EMG1: variants seen among roughly 807,000 people sequenced by gnomAD.
The protein encoded by EMG1 is EMG1 N1-specific pseudouridine methyltransferase.
Under a neutral mutation model 26.9 loss-of-function variants are expected in EMG1, and 24 were observed. The observed-to-expected ratio is 0.89, with a 90% CI of 0.65 to 1.26. The LOEUF (loss-of-function observed/expected upper bound fraction) is 1.26. EMG1 is among the 50% of genes most tolerant of loss of function. EMG1 has a pLI of 0.00. For missense variants in EMG1, 299 were observed against 307.6 expected (o/e 0.97, Z 0.21); for synonymous variants, 140 against 112.6 (o/e 1.24, Z -1.54).
chr12:6,988,053 A>G lies in EMG1; in HGVS notation c.*212-115A>G. 5.5e-6 allele frequency: 2 copies of G among 362,206 alleles called. 1 individual carries two copies. Among genetic ancestry groups the G allele is most frequent in the East Asian group, 8.0e-5 (2 of 25,134 alleles). The allele number at this position is 362,206 out of a possible 1,614,324, so 22.4% of individuals were successfully genotyped here. On this transcript the variant is annotated intron_variant and NMD_transcript_variant, in intron 7 of 7. Coordinates refer to the EMG1 transcript ENST00000261406. ...CCATAACCTTATTTTAAAGGTGTAA[A>G]AAAAAAAAGATTTAAGACAAAAGCA...
intron 6 of EMG1, among the ~76,000 whole-genome samples, chr12:6,986,962 AAATT>A (rs1477195006): frequency 6.6e-6 from 1 of 151,916 alleles, no homozygotes; most frequent in African/African-American, 2.4e-5. Context: ...AAAAATACAA[AAATT>A]AGTTAGGCGT....
At chr12:6,983,671 G>A, downstream of EMG1, 1 of 625,178 alleles carries the variant, frequency 1.6e-6, no homozygotes, top group Non-Finnish European at 2.8e-6. Flanking sequence ...TTATATGGAT[G>A]GCAACAGAGA....
rs896934457 is a variant in EMG1 at position 6,987,261 on chromosome 12, A to C, written c.*155-521A>C. Among the ~76,000 whole-genome samples the C allele has an allele frequency of 1.3e-5, 2 of 152,238 alleles. No individual in the cohort carries two copies. The highest frequency in any genetic ancestry group is 2.9e-5 in the Non-Finnish European group (2 of 68,040). ...TCATGTATTCATTCACCAAGTGTTTAGTAAATGCCTGCTATATGCCAGGTA... is the reference window on the plus strand; with the variant it reads ...TCATGTATTCATTCACCAAGTGTTTCGTAAATGCCTGCTATATGCCAGGTA... On this transcript the variant is annotated intron_variant and NMD_transcript_variant, in intron 6 of 7. Coordinates refer to the EMG1 transcript ENST00000261406. This position sits in a 1 kb window ranked among gnomAD's most constrained non-coding sequence, Gnocchi z 4.1.
At chr12:6,990,076 C>G (rs974546909), downstream of EMG1, among the ~76,000 whole-genome samples, 12 of 151,754 alleles carry the variant, frequency 7.9e-5, no homozygotes, top group Non-Finnish European at 1.5e-5. Context: ...ACTTGAGAGG[C>G]TGAGGCAGGA....
chr12:6,983,991 A>G (rs1946498376), downstream of EMG1, among the ~76,000 whole-genome samples: 1 of 152,192 alleles, frequency 6.6e-6, no homozygotes, highest in Non-Finnish European at 1.5e-5. Flanking sequence ...AAAAAACAAG[A>G]TACAAAGATT....
intron 5 of EMG1, 37 bp downstream of exon 5, chr12:6,975,415 G>A (rs1946382713): frequency 6.4e-7 from 1 of 1,551,502 alleles, no homozygotes; most frequent in Admixed American, 2.1e-5. Flanking sequence ...TCTTGGTAGA[G>A]CTGAACTTAG....
chr12:6,978,967 T>G lies in EMG1; in HGVS notation c.*3158T>G. On this transcript the variant is annotated 3_prime_UTR_variant, in exon 6 of 6. Transcript: ENST00000599672. Reference sequence around the variant, plus strand: ...GCCTTCGTTGGCAAAGTGTTTGGAATGAGCATTTGGAATGTTAAGTACAGA... The same window carrying G: ...GCCTTCGTTGGCAAAGTGTTTGGAAGGAGCATTTGGAATGTTAAGTACAGA... The G allele has an allele frequency of 4.7e-6, 2 of 426,356 alleles. No individual in the cohort carries two copies. 26.4% of individuals were successfully genotyped at this position (426,356 alleles called of 1,614,324 possible).
At position 6,971,440 on chromosome 12, in the gene EMG1, A is replaced by AT. The variant is rs368760181; in HGVS notation, c.168+356dup. ...AGGCAGGTGCCACCACGCCCGGCTA[A>AT]TTTTTTTGTATTTTTAGTTCAGATG... On this transcript the variant is annotated intron_variant, in intron 1 of 5. Transcript: ENST00000599672. 8.5e-3 allele frequency among the ~76,000 whole-genome samples: 1,293 copies of AT among 151,752 alleles called. 14 individuals carry two copies. The highest frequency in any genetic ancestry group is 0.03 in the African/African-American group (1,225 of 41,376).
chr12:6,977,344 C>T lies in EMG1; in HGVS notation c.*1535C>T. ...GAGGTTGCAGTGAGTCCCTCCCAGT[C>T]TCACAAGCAGGCCTTCACTTGCCTT... On this transcript the variant is annotated 3_prime_UTR_variant, in exon 6 of 6. Coordinates refer to ENST00000599672, the MANE Select transcript of EMG1 (RefSeq NM_006331.8). The surrounding 1 kb of genome is among the most constrained non-coding windows in gnomAD (Gnocchi z 4.5). 6.2e-7 allele frequency: 1 copy of T among 1,613,918 alleles called. No homozygotes were observed. Among genetic ancestry groups the T allele is most frequent in the Admixed American group, 1.7e-5 (1 of 60,016 alleles).
chr12:6,982,884 A>AT (rs2138334262), downstream of EMG1: 1 of 744,726 alleles, frequency 1.3e-6, no homozygotes, highest in African/African-American at 1.8e-5. Flanking sequence ...TGGCATCAGG[A>AT]TCTTTTTTTT....
chr12:6,983,349 A>G, downstream of EMG1: 2 of 883,244 alleles, frequency 2.3e-6, no homozygotes, highest in Non-Finnish European at 3.7e-6. Flanking sequence ...TACCTATTAG[A>G]TTCTCTCAAG....
chr12:6,979,602 C>T lies in EMG1; in HGVS notation c.*3793C>T. The T allele has an allele frequency of 6.6e-7, 1 of 1,521,332 alleles. No individual in the cohort carries two copies. The highest frequency in any genetic ancestry group is 1.4e-5 in the African/African-American group (1 of 73,038). The allele number at this position is 1,521,332 out of a possible 1,614,324, so 94.2% of individuals were successfully genotyped here. Reference sequence around the variant, plus strand: ...ATGCTGGAAAGGAACGAGTGAAGTTCCTGGTCACAGAGAGCAGAGACTATT... The same window carrying T: ...ATGCTGGAAAGGAACGAGTGAAGTTTCTGGTCACAGAGAGCAGAGACTATT... On this transcript the variant is annotated 3_prime_UTR_variant, in exon 6 of 6. Coordinates refer to ENST00000599672, the MANE Select transcript of EMG1 (RefSeq NM_006331.8).
Position 6,975,256 on chromosome 12 carries a change from T to G in EMG1, c.499T>G (p.Phe167Val). 1 of 1,613,816 alleles carries G rather than the reference T, an allele frequency of 6.2e-7. No individual in the cohort carries two copies. Among genetic ancestry groups the G allele is most frequent in the South Asian group, 1.1e-5 (1 of 91,046 alleles). The change falls in exon 5 of 6, where the codon TTT becomes GTT. Residue 167 changes from phenylalanine (F) to valine (V), a missense_variant. Coordinates refer to ENST00000599672, the MANE Select transcript of EMG1 (RefSeq NM_006331.8). ...KVIKNPVSDH[F>V]PVGCMKVGTS... ...AATTAAGAATCCAGTATCAGATCAC[T>G]TTCCAGTTGGATGTATGAAAGTTGG...
At chr12:6,980,996 G>A, downstream of EMG1, 2 of 1,580,150 alleles carry the variant, frequency 1.3e-6, no homozygotes, top group Non-Finnish European at 1.7e-6. Context: ...ACCAAGAGGG[G>A]CAATTACCTG....
downstream of EMG1, among the ~76,000 whole-genome samples, chr12:6,989,605 T>C (rs1361378036): frequency 1.3e-5 from 2 of 152,072 alleles, no homozygotes; most frequent in Non-Finnish European, 2.9e-5. Context: ...GCCAATGCTG[T>C]GGTCTTTCAA....
downstream of EMG1, among the ~76,000 whole-genome samples, chr12:6,989,933 G>C (rs907376056): frequency 1.3e-5 from 2 of 152,104 alleles, 1 homozygote; most frequent in South Asian, 4.1e-4. Flanking sequence ...AGTGCTTTGG[G>C]AGGCTGAGAC....
chr12:6,975,382 A>C lies in EMG1; in HGVS notation c.621+4A>C. The C allele has an allele frequency of 6.3e-7, 1 of 1,590,742 alleles. No individual in the cohort carries two copies. Among genetic ancestry groups the C allele is most frequent in the Non-Finnish European group, 8.6e-7 (1 of 1,167,758 alleles). On this transcript the variant is annotated splice_donor_region_variant and intron_variant, in intron 5 of 5. Transcript: ENST00000599672. Reference sequence around the variant, plus strand: ...AGGGGCCTTTGCCCATGGCAAGGTAAGGTCTGGGCTCAACCCTGAAATTCT... The same window carrying C: ...AGGGGCCTTTGCCCATGGCAAGGTACGGTCTGGGCTCAACCCTGAAATTCT...
At chr12:6,975,661 GAC>G (rs1306416494) in intron 5 of EMG1, 33 bp from the exon 6 acceptor site, 8 of 1,391,108 alleles carry the variant, frequency 5.8e-6, no homozygotes, top group African/African-American at 1.4e-5. Context: ...GCTACTGAGT[GAC>G]AGAGTTGGCT....
chr12:6,995,468 C>T (rs1555155928), intron 7 of EMG1, among the ~76,000 whole-genome samples: 3 of 149,782 alleles, frequency 2.0e-5, no homozygotes, highest in East Asian at 1.9e-4. Context: ...AGCCAGACTC[C>T]GTCTCAAAAA....
Sources: gnomAD v4.1 joint callset for allele counts (sites outside exome capture counted in the v4.1 genomes callset) on GRCh38, gnomAD v4.1.1 for gene constraint, Gnocchi (gnomAD v3.1) non-coding constraint, MANE v1.5 for transcripts, NCBI Gene and HGNC (gene_info 2026-07-23, HGNC 2026-07-21) for gene names.